The following MKLN1 variants were observed in gnomAD, a reference collection of about 807,000 sequenced individuals.
MKLN1 encodes the protein muskelin.
In MKLN1, 18 loss-of-function variants were observed where a neutral mutation model predicts 99.0. The observed-to-expected ratio is 0.18, with a 90% confidence interval of 0.13 to 0.27. The LOEUF (loss-of-function observed/expected upper bound fraction) is 0.27, where lower values mean the gene tolerates loss of function less well. Ranked by LOEUF, MKLN1 falls within the 10% of genes least tolerant of loss-of-function variation. The pLI is 1.00. For synonymous variants in MKLN1, 288 were observed against 293.2 expected, an observed-to-expected ratio of 0.98 and a Z score of 0.18; for missense variants, 621 against 875.9, an observed-to-expected ratio of 0.71 and a Z score of 3.67.
At chr7:131,440,825 C>T (rs967193730) in intron 10 of MKLN1, among the ~76,000 whole-genome samples, 3 of 152,072 alleles carry the variant, frequency 2.0e-5, no homozygotes, top group Non-Finnish European at 4.4e-5. Context: ...TTTTACTCCG[C>T]ATGTCAAATG....
chr7:131,280,405 C>T (rs1798033775), intron 3 of MKLN1, among the ~76,000 whole-genome samples: 1 of 152,136 alleles, frequency 6.6e-6, no homozygotes, highest in Non-Finnish European at 1.5e-5. Context: ...AAAGTGGTGC[C>T]ACCATTTCAC....
chr7:131,292,706 C>A (rs541895459), intron 3 of MKLN1, among the ~76,000 whole-genome samples: 7 of 152,344 alleles, frequency 4.6e-5, no homozygotes, highest in African/African-American at 1.7e-4. Context: ...CCAACACATT[C>A]TTTTCCTACT....
At chr7:131,202,309 G>A (rs1037245340) in intron 2 of MKLN1, among the ~76,000 whole-genome samples, 1 of 151,722 alleles carries the variant, frequency 6.6e-6, no homozygotes, top group Non-Finnish European at 1.5e-5. Flanking sequence ...AGAGACAGGG[G>A]TTTCACCATG....
chr7:131,184,624 A>G (rs1796423020), intron 2 of MKLN1, among the ~76,000 whole-genome samples: 2 of 152,162 alleles, frequency 1.3e-5, no homozygotes, highest in Admixed American at 1.3e-4. Context: ...TCCCGGGTTC[A>G]AGCAATTCAC....
chr7:131,268,093 A>G (rs1460205703), intron 3 of MKLN1, among the ~76,000 whole-genome samples: 4 of 152,218 alleles, frequency 2.6e-5, no homozygotes, highest in Non-Finnish European at 4.4e-5. Context: ...GTTGGGTTTC[A>G]CACGAGAACT....
intron 3 of MKLN1, among the ~76,000 whole-genome samples, chr7:131,218,223 T>A (rs1797012394): frequency 1.3e-5 from 2 of 152,228 alleles, no homozygotes; most frequent in Non-Finnish European, 2.9e-5. Context: ...ATAATGATGT[T>A]ATCCATAGGG....
chr7:131,370,786 C>T (rs1303429479), intron 1 of MKLN1, among the ~76,000 whole-genome samples: 2 of 152,114 alleles, frequency 1.3e-5, no homozygotes, highest in Admixed American at 6.6e-5. Flanking sequence ...CAGTTGATGC[C>T]TGACTCTTAG....
chr7:131,157,385 G>C (rs1584797241), intron 2 of MKLN1, among the ~76,000 whole-genome samples: 2 of 152,162 alleles, frequency 1.3e-5, no homozygotes, highest in East Asian at 1.9e-4. Context: ...CTGACAGAGA[G>C]AGACACTGTC....
At chr7:131,472,927 G>A (rs1796863142) in intron 16 of MKLN1, among the ~76,000 whole-genome samples, 2 of 127,030 alleles carry the variant, frequency 1.6e-5, no homozygotes, top group South Asian at 5.1e-4. Flanking sequence ...CAGCCTGGGC[G>A]ACAGAGCAAG....
In MKLN1 at chr7:131,309,037, G is replaced by T. The variant is rs115071015; in HGVS notation, c.-178-66387G>T. On this transcript the variant is annotated intron_variant, in intron 3 of 7. Transcript: ENST00000416992. ...ATGCCTAAAAAAATGATGATCCATT[G>T]TCCAGTTTTCTATAAGGTTCAATAT... Among the ~76,000 whole-genome samples, 1,178 of 152,318 alleles carry T rather than the reference G, an allele frequency of 7.7e-3. 17 individuals carry two copies. Among genetic ancestry groups the T allele is most frequent in the African/African-American group, 0.027 (1,114 of 41,572 alleles).
chr7:131,356,503 A>G (rs1324094416), intron 1 of MKLN1, among the ~76,000 whole-genome samples: 4 of 152,100 alleles, frequency 2.6e-5, no homozygotes, highest in African/African-American at 9.7e-5. Flanking sequence ...AGTCTTCTGT[A>G]ACTGCTTCCT....
At position 131,170,357 on chromosome 7, in the gene MKLN1, G is replaced by A. The variant is rs181465115; in HGVS notation, c.-297+27416G>A. ...AGGGACAGCATTTAACATAAAACAC[G>A]GATATGTTATATTGGCTGTTTTGCC... On this transcript the variant is annotated intron_variant, in intron 2 of 7. Coordinates refer to the MKLN1 transcript ENST00000416992. Among the ~76,000 whole-genome samples, 303 of 152,232 alleles carry A rather than the reference G, an allele frequency of 2.0e-3. 1 individual carries two copies. Among genetic ancestry groups the A allele is most frequent in the Non-Finnish European group, 3.1e-3 (210 of 68,012 alleles).
Position 131,328,014 on chromosome 7 carries a change from G to C in MKLN1, c.98+17G>C. ...CCTTCCCGAGTAAGTGCCGGGCCTTGAGCTCGTGCTGCCCCACCCTTCCGC... is the reference window on the plus strand; with the variant it reads ...CCTTCCCGAGTAAGTGCCGGGCCTTCAGCTCGTGCTGCCCCACCCTTCCGC... On this transcript the variant is annotated intron_variant, in intron 1 of 17. Coordinates refer to ENST00000352689, the MANE Select transcript of MKLN1 (RefSeq NM_013255.5). 1.2e-6 allele frequency: 2 copies of C among 1,613,276 alleles called. No homozygotes were observed. The highest frequency in any genetic ancestry group is 2.2e-5 in the South Asian group (2 of 90,992).
At chr7:131,449,165 T>G (rs976612242) in intron 12 of MKLN1, among the ~76,000 whole-genome samples, 1 of 152,098 alleles carries the variant, frequency 6.6e-6, no homozygotes, top group Admixed American at 6.5e-5. Context: ...GGAAGAACCA[T>G]GTGAAGAACT....
chr7:131,160,226 C>T (rs1252557251), intron 2 of MKLN1, among the ~76,000 whole-genome samples: 3 of 152,040 alleles, frequency 2.0e-5, no homozygotes, highest in African/African-American at 7.2e-5. Context: ...TTTCAAGGTT[C>T]ATCCATATTG....
At chr7:131,313,654 T>TAAAAATGG (rs1312524909) in intron 3 of MKLN1, among the ~76,000 whole-genome samples, 1 of 152,184 alleles carries the variant, frequency 6.6e-6, no homozygotes, top group African/African-American at 2.4e-5. Context: ...GGAAGAAAAT[T>TAAAAATGG]AAAAATGGAT....
At chr7:131,370,960 A>G (rs560406240) in intron 1 of MKLN1, among the ~76,000 whole-genome samples, 65 of 152,230 alleles carry the variant, frequency 4.3e-4, no homozygotes, top group African/African-American at 1.4e-3. Flanking sequence ...TCAAGCTTCT[A>G]TCTTTCCAAA....
chr7:131,167,395 G>A (rs1428598548), intron 2 of MKLN1, among the ~76,000 whole-genome samples: 1 of 152,180 alleles, frequency 6.6e-6, no homozygotes, highest in Admixed American at 6.5e-5. Flanking sequence ...AAGAAGGCCA[G>A]GTATGGTGGC....
At chr7:131,332,630 C>A (rs1444249548) in intron 1 of MKLN1, among the ~76,000 whole-genome samples, 3 of 151,770 alleles carry the variant, frequency 2.0e-5, no homozygotes, top group African/African-American at 7.2e-5. Context: ...TATTATCATT[C>A]CAGATCTTTT....
Sources: gnomAD v4.1 joint callset for allele counts (sites outside exome capture counted in the v4.1 genomes callset) on GRCh38, gnomAD v4.1.1 for gene constraint, MANE v1.5 for transcripts, NCBI Gene and HGNC (gene_info 2026-07-23, HGNC 2026-07-21) for gene names.